PAPPA: variants seen among roughly 807,000 people sequenced by gnomAD.
PAPPA encodes pappalysin-1.
PAPPA carries 60 observed loss-of-function variants against 164.0 expected under a neutral mutation model. The ratio of observed to expected loss-of-function variants is 0.37; its 90% confidence interval spans 0.30 to 0.45. The LOEUF is 0.45. Among genes scored for constraint, PAPPA ranks in the 20% least tolerant of loss-of-function variants. The probability of loss-of-function intolerance (pLI) is 1.00; values close to 1 mark genes in which losing one functional copy is unlikely to be tolerated. For missense variants in PAPPA, 1,782 were observed against 2,087.3 expected (o/e 0.85, Z 2.85); for synonymous variants, 875 against 814.1 (o/e 1.07, Z -1.27).
At chr9:116,213,265 G>T (rs1396499073) in intron 4 of PAPPA, among the ~76,000 whole-genome samples, 1 of 152,140 alleles carries the variant, frequency 6.6e-6, no homozygotes, top group Non-Finnish European at 1.5e-5. Context: ...GAACCCAAAG[G>T]TTTCTGTGAT....
intron 21 of PAPPA, among the ~76,000 whole-genome samples, chr9:116,385,068 T>C (rs1043649055): frequency 1.3e-5 from 2 of 151,840 alleles, no homozygotes; most frequent in Non-Finnish European, 2.9e-5. Flanking sequence ...ACCCCGTCTC[T>C]ACTAAAAATA....
Position 116,227,537 on chromosome 9 carries a change from C to T in PAPPA, c.2218C>T (p.Pro740Ser), listed in dbSNP as rs1166653813. 6.2e-7 allele frequency: 1 copy of T among 1,613,942 alleles called. No homozygotes were observed. Among genetic ancestry groups the T allele is most frequent in the Admixed American group, 1.7e-5 (1 of 59,994 alleles). ...MPCSPSGHWS[P>S]REAEGHPDVE... The stretch of plus-strand genomic sequence containing the variant: ...CTGCAGCCCATCAGGACACTGGAGC[C>T]CTCGTGAAGCAGAAGGTAAGCCAGC... The change falls in exon 6 of 22, where the codon CCT becomes TCT. Residue 740 changes from proline to serine, a missense_variant. Pro to Ser is a moderately conservative substitution (Grantham distance 74). This residue lies in a region of PAPPA where 1,324 missense variants were observed against 1,656.9 expected (regional missense o/e 0.80). Coordinates refer to ENST00000328252, the MANE Select transcript of PAPPA (RefSeq NM_002581.5).
At chr9:116,160,851 G>T (rs1843657570) in intron 1 of PAPPA, among the ~76,000 whole-genome samples, 1 of 152,186 alleles carries the variant, frequency 6.6e-6, no homozygotes, top group African/African-American at 2.4e-5. Flanking sequence ...AAGTTCCTTG[G>T]CTTGTTTGAA....
chr9:116,274,778 T>C (rs1845177799), intron 9 of PAPPA, among the ~76,000 whole-genome samples: 1 of 152,240 alleles, frequency 6.6e-6, no homozygotes, highest in South Asian at 2.1e-4. Context: ...TATCCAAGCA[T>C]CTCCTTCTCC....
chr9:116,251,298 A>G (rs1844857210), intron 7 of PAPPA, among the ~76,000 whole-genome samples: 1 of 152,190 alleles, frequency 6.6e-6, no homozygotes, highest in African/African-American at 2.4e-5. Context: ...TAGTTTGCTA[A>G]CTGCACGCTG....
intron 10 of PAPPA, among the ~76,000 whole-genome samples, chr9:116,322,296 G>T (rs1346139316): frequency 6.6e-6 from 1 of 151,702 alleles, no homozygotes; most frequent in Non-Finnish European, 1.5e-5. Context: ...TGTAATCCCA[G>T]CTACTCGGGG....
In PAPPA at chr9:116,397,468, G is replaced by C; in HGVS notation, c.*852G>C. 6.5e-6 allele frequency: 1 copy of C among 152,838 alleles called. No homozygotes were observed. Among genetic ancestry groups the C allele is most frequent in the South Asian group, 2.1e-4 (1 of 4,832 alleles). The allele number at this position is 152,838 out of a possible 1,614,324, so 9.5% of individuals were successfully genotyped here. A position where few individuals can be genotyped will look rare whatever the true frequency, so the allele number is the denominator to read the frequency against. On this transcript the variant is annotated 3_prime_UTR_variant, in exon 22 of 22. Transcript: ENST00000328252. ...CACATTTGCTGCTACTTTTCCTGCT[G>C]CTCTATCCTATACATTGAATAATCC...
chr9:116,170,144 C>T (rs1403602892), intron 1 of PAPPA, among the ~76,000 whole-genome samples: 4 of 151,982 alleles, frequency 2.6e-5, no homozygotes, highest in Admixed American at 6.5e-5. Context: ...GGATATATGT[C>T]CCCCAAATGG....
chr9:116,307,338 G>A (rs1341359506), intron 10 of PAPPA, among the ~76,000 whole-genome samples: 1 of 152,068 alleles, frequency 6.6e-6, no homozygotes. Flanking sequence ...GGTGGCTCAC[G>A]CTTGTAATTC....
intron 4 of PAPPA, among the ~76,000 whole-genome samples, chr9:116,219,552 TG>T (rs1844416597): frequency 1.3e-5 from 2 of 151,156 alleles, no homozygotes; most frequent in Middle Eastern, 3.4e-3. Flanking sequence ...AGATATTGAG[TG>T]GGGGGTGAGG....
intron 1 of PAPPA, among the ~76,000 whole-genome samples, chr9:116,170,068 T>A (rs1843758861): frequency 6.6e-6 from 1 of 152,122 alleles, no homozygotes; most frequent in South Asian, 2.1e-4. Context: ...CCCCAAGACA[T>A]TTTCTGTAAA....
chr9:116,283,585 G>A (rs1425860765), intron 9 of PAPPA, among the ~76,000 whole-genome samples: 1 of 152,062 alleles, frequency 6.6e-6, no homozygotes, highest in Non-Finnish European at 1.5e-5. Flanking sequence ...GCTCTTCAAG[G>A]GCCAACAAAA....
At chr9:116,156,275 C>CTT (rs1843600786) in intron 1 of PAPPA, among the ~76,000 whole-genome samples, 2 of 135,586 alleles carry the variant, frequency 1.5e-5, no homozygotes, top group East Asian at 2.1e-4. Context: ...TACATAAATA[C>CTT]GTGTGTGTGT....
intron 5 of PAPPA, among the ~76,000 whole-genome samples, chr9:116,220,821 G>T (rs1266236597): frequency 1.3e-5 from 2 of 151,658 alleles, no homozygotes; most frequent in Admixed American, 6.6e-5. Context: ...GGAGGCGGAG[G>T]TTGCAGTGAG....
chr9:116,267,541 C>A (rs1036214991), intron 8 of PAPPA, among the ~76,000 whole-genome samples: 8 of 152,142 alleles, frequency 5.3e-5, no homozygotes, highest in Admixed American at 1.3e-4. Context: ...CTAAAGTTTG[C>A]CAACTGTTAA....
Position 116,154,244 on chromosome 9 carries a change from TC to T in PAPPA, c.76del (p.Arg26AlafsTer111). ...AALGCGLAER[P>X]RRARRDPRAG... ...CGCTGGGCTGCGGGCTGGCCGAGCG[TC>T]CCCGCCGGGCCCGGAGAGACCCGCG... is the stretch of plus-strand genomic sequence containing the variant. On this transcript the variant is annotated frameshift_variant, in exon 1 of 22. Coordinates refer to ENST00000328252, the MANE Select transcript of PAPPA (RefSeq NM_002581.5). LOFTEE classifies it high-confidence loss of function. This position sits in a 1 kb window ranked among gnomAD's most constrained non-coding sequence, Gnocchi z 5.2. The T allele has an allele frequency of 7.2e-7, 1 of 1,391,998 alleles. No individual in the cohort carries two copies. The highest frequency in any genetic ancestry group is 9.4e-7 in the Non-Finnish European group (1 of 1,065,342). 86.2% of individuals were successfully genotyped at this position (1,391,998 alleles called of 1,614,324 possible).
At chr9:116,295,046 C>T (rs940375206) in intron 9 of PAPPA, among the ~76,000 whole-genome samples, 8 of 152,174 alleles carry the variant, frequency 5.3e-5, no homozygotes, top group African/African-American at 1.7e-4. Context: ...TGACTAAGAA[C>T]TCTCATCTCC....
At chr9:116,168,723 A>G (rs1262500927) in intron 1 of PAPPA, among the ~76,000 whole-genome samples, 3 of 152,202 alleles carry the variant, frequency 2.0e-5, no homozygotes, top group South Asian at 2.1e-4. Flanking sequence ...ACTTACCCAG[A>G]GTATCTTTTA....
chr9:116,299,877 ATTTT>A (rs11365748), intron 9 of PAPPA, among the ~76,000 whole-genome samples: 2 of 142,924 alleles, frequency 1.4e-5, no homozygotes, highest in Admixed American at 6.9e-5. Flanking sequence ...CATTACCTCC[ATTTT>A]TTTTTTTTTT....
Sources: gnomAD v4.1 joint callset for allele counts (sites outside exome capture counted in the v4.1 genomes callset) on GRCh38, gnomAD v4.1.1 for gene constraint, gnomAD v4.1.1 regional missense constraint, Gnocchi (gnomAD v3.1) non-coding constraint, MANE v1.5 for transcripts, NCBI Gene and HGNC (gene_info 2026-07-23, HGNC 2026-07-21) for gene names.